RBM19: variants seen among roughly 807,000 people sequenced by gnomAD.
The protein encoded by RBM19 is probable RNA-binding protein 19.
A neutral mutation model predicts 116.8 loss-of-function variants in RBM19; 94 were observed. That is an observed-to-expected ratio of 0.80 (90% confidence interval 0.68 to 0.95). The LOEUF (loss-of-function observed/expected upper bound fraction) is 0.95. Among genes scored for constraint, RBM19 ranks in the 40% least tolerant of loss-of-function variants. The pLI is 0.00. For synonymous variants in RBM19, 475 were observed against 494.1 expected (o/e 0.96, Z 0.51); for missense variants, 1,161 against 1,220.7 (o/e 0.95, Z 0.73).
At chr12:113,930,576 T>C (rs2135886058) in intron 16 of RBM19, among the ~76,000 whole-genome samples, 1 of 152,328 alleles carries the variant, frequency 6.6e-6, no homozygotes, top group South Asian at 2.1e-4. Flanking sequence ...TGGCCTGGCA[T>C]GGGGCTCACC....
At chr12:113,851,540 C>T (rs1044651786) in intron 22 of RBM19, among the ~76,000 whole-genome samples, 1 of 152,208 alleles carries the variant, frequency 6.6e-6, no homozygotes, top group Non-Finnish European at 1.5e-5. Flanking sequence ...TCCCCTCAGG[C>T]ACAGGCCTGG....
chr12:113,823,829 G>T (rs1874628963), intron 23 of RBM19, among the ~76,000 whole-genome samples: 1 of 152,178 alleles, frequency 6.6e-6, no homozygotes, highest in African/African-American at 2.4e-5. Flanking sequence ...AACGGCTGGG[G>T]AGACAAGTAG....
At chr12:113,908,687 T>C (rs956142126) in intron 21 of RBM19, among the ~76,000 whole-genome samples, 3 of 145,920 alleles carry the variant, frequency 2.1e-5, no homozygotes, top group Admixed American at 1.4e-4. Flanking sequence ...CCCTGACCCA[T>C]GGCAGGAGTT....
intron 1 of RBM19, among the ~76,000 whole-genome samples, chr12:113,964,677 G>C (rs1050378183): frequency 2.0e-5 from 3 of 152,180 alleles, no homozygotes; most frequent in Admixed American, 2.0e-4. Context: ...AGGAACAGAT[G>C]ATCTAAATTC....
At chr12:113,842,664 A>G (rs1356904518) in intron 23 of RBM19, among the ~76,000 whole-genome samples, 3 of 152,246 alleles carry the variant, frequency 2.0e-5, no homozygotes, top group African/African-American at 7.2e-5. Flanking sequence ...TCGTAAAGAA[A>G]TAAGTTACAA....
chr12:113,935,714 A>G (rs1207685903), intron 16 of RBM19, among the ~76,000 whole-genome samples: 1 of 152,166 alleles, frequency 6.6e-6, no homozygotes, highest in East Asian at 1.9e-4. Context: ...AAGGCAGGGG[A>G]GGTTAGGTAC....
intron 21 of RBM19, among the ~76,000 whole-genome samples, chr12:113,864,547 G>A (rs1296357173): frequency 2.0e-5 from 3 of 152,208 alleles, no homozygotes; most frequent in Non-Finnish European, 4.4e-5. Context: ...GATGGCAGCT[G>A]CCTTGCATGG....
At chr12:113,848,261 G>C (rs1159220639) in intron 22 of RBM19, among the ~76,000 whole-genome samples, 2 of 152,196 alleles carry the variant, frequency 1.3e-5, no homozygotes, top group Non-Finnish European at 2.9e-5. Flanking sequence ...GGGAAGGTAA[G>C]ACACAAAAGC....
chr12:113,894,088 C>G (rs757633280), intron 21 of RBM19, among the ~76,000 whole-genome samples: 56 of 152,170 alleles, frequency 3.7e-4, no homozygotes, highest in Non-Finnish European at 3.5e-4. Context: ...CTCTTTCTCT[C>G]CACTTATGAG....
At position 113,966,272 on chromosome 12, in the gene RBM19, G is replaced by A. The variant is rs1381186846; in HGVS notation, c.-45C>T. 2 of 1,612,498 alleles carry A rather than the reference G, an allele frequency of 1.2e-6. No homozygotes were observed. Among genetic ancestry groups the A allele is most frequent in the African/African-American group, 1.3e-5 (1 of 74,836 alleles). On this transcript the variant is annotated 5_prime_UTR_variant, in exon 1 of 24. In the 5' UTR this introduces an upstream ATG that the reference lacks. Coordinates refer to ENST00000261741, the MANE Select transcript of RBM19 (RefSeq NM_016196.4). ...TTTGATTCCAACACGACTGGTCAGC[G>A]TCTTCCACCAAGTTTCACGCTACCG...
At chr12:113,890,775 A>G (rs1276198072) in intron 21 of RBM19, among the ~76,000 whole-genome samples, 1 of 152,150 alleles carries the variant, frequency 6.6e-6, no homozygotes, top group Non-Finnish European at 1.5e-5. Flanking sequence ...CCCAATGCAA[A>G]TGGATGTGCC....
intron 17 of RBM19, among the ~76,000 whole-genome samples, chr12:113,926,747 A>G (rs945186076): frequency 4.6e-5 from 7 of 152,112 alleles, no homozygotes; most frequent in Non-Finnish European, 1.0e-4. Context: ...ACTTTTGGGT[A>G]TTTACATCAT....
intron 22 of RBM19, among the ~76,000 whole-genome samples, chr12:113,854,896 T>C (rs1006277055): frequency 3.9e-5 from 6 of 152,178 alleles, no homozygotes; most frequent in Non-Finnish European, 5.9e-5. Context: ...GGTGGGGCAG[T>C]GCGAGTGTGG....
intron 20 of RBM19, among the ~76,000 whole-genome samples, chr12:113,917,162 T>A (rs1192430713): frequency 6.6e-6 from 1 of 152,178 alleles, no homozygotes; most frequent in African/African-American, 2.4e-5. Flanking sequence ...CTTGCTGTAA[T>A]TTTTTCTTGA....
At chr12:113,881,818 T>G (rs1030726379) in intron 21 of RBM19, among the ~76,000 whole-genome samples, 42 of 152,232 alleles carry the variant, frequency 2.8e-4, no homozygotes, top group Non-Finnish European at 5.9e-4. Context: ...TGTTGCTTCC[T>G]TGCAACACCA....
chr12:113,926,659 A>G (rs1186741546), intron 17 of RBM19, among the ~76,000 whole-genome samples: 1 of 152,144 alleles, frequency 6.6e-6, no homozygotes, highest in Non-Finnish European at 1.5e-5. Context: ...CAGGGATTCC[A>G]GGGTCAAGCC....
At chr12:113,957,123 C>G (rs10850255) in intron 6 of RBM19, among the ~76,000 whole-genome samples, 24,945 of 152,226 alleles carry the variant, frequency 0.16, 2,787 homozygotes, top group African/African-American at 0.32. Context: ...GTTGTTCACT[C>G]TATCTGTAGT....
At chr12:113,950,344 G>C (rs912303497) in intron 8 of RBM19, among the ~76,000 whole-genome samples, 190 bp from the exon 9 acceptor site, 8 of 152,184 alleles carry the variant, frequency 5.3e-5, no homozygotes, top group African/African-American at 1.9e-4. Flanking sequence ...CCTCTGCAGG[G>C]AGTGTACAGA....
Position 113,959,261 on chromosome 12 carries a change from G to A in RBM19, c.522C>T (p.Ser174=), listed in dbSNP as rs752672842. Residue 174 remains serine (S), a synonymous_variant, in exon 5 of 24, where the codon TCC becomes TCT. Coordinates refer to ENST00000261741, the MANE Select transcript of RBM19 (RefSeq NM_016196.4). The part of the protein sequence containing the change: ...KPASDYLNFD[S]DSGQESEEEG... ...CCTCCTCACTCTCCTGCCCAGAATC[G>A]GAGTCGAAGTTCAGGTAGTCACTGG... 8.7e-6 allele frequency: 14 copies of A among 1,613,402 alleles called. No individual in the cohort carries two copies. The highest frequency in any genetic ancestry group is 2.2e-5 in the East Asian group (1 of 44,878).
Sources: allele counts gnomAD v4.1 joint callset (sites outside exome capture counted in the v4.1 genomes callset), GRCh38; gene constraint gnomAD v4.1.1; transcripts MANE v1.5; gene names NCBI Gene and HGNC (gene_info 2026-07-23, HGNC 2026-07-21).